Variants in PARD3 observed in about 807,000 individuals in gnomAD.
PARD3 encodes the protein partitioning defective 3 homolog.
A neutral mutation model predicts 155.4 loss-of-function variants in PARD3; 75 were observed. That is an observed-to-expected ratio of 0.48 (90% confidence interval 0.40 to 0.58). The LOEUF is 0.58. PARD3 is among the 20% of genes least tolerant of loss of function. The probability of loss-of-function intolerance (pLI) is 0.00; values close to 1 mark genes in which losing one functional copy is unlikely to be tolerated. For missense variants in PARD3, 1,642 were observed against 1,721.7 expected (o/e 0.95, Z 0.82); for synonymous variants, 576 against 610.5 (o/e 0.94, Z 0.83).
intron 1 of PARD3, among the ~76,000 whole-genome samples, chr10:34,756,671 CTCAAACTGCTAGCA>C (rs1179724124): frequency 6.6e-6 from 1 of 151,686 alleles, no homozygotes; most frequent in Admixed American, 6.6e-5. Context: ...CCAAACTGGC[CTCAAACTGCTAGCA>C]TCAAGCAATC....
intron 2 of PARD3, among the ~76,000 whole-genome samples, chr10:34,695,611 A>G (rs1488980611): frequency 6.6e-6 from 1 of 152,120 alleles, no homozygotes; most frequent in Non-Finnish European, 1.5e-5. Flanking sequence ...AGTACAGAAA[A>G]AAAGTGGGGT....
At chr10:34,128,462 C>T (rs1230853665) in intron 23 of PARD3, among the ~76,000 whole-genome samples, 1 of 152,134 alleles carries the variant, frequency 6.6e-6, no homozygotes, top group African/African-American at 2.4e-5. Context: ...ATAAAATGTA[C>T]AGAGTGTGTG....
At chr10:34,242,061 T>C (rs897442107) in intron 22 of PARD3, among the ~76,000 whole-genome samples, 3 of 152,326 alleles carry the variant, frequency 2.0e-5, no homozygotes, top group Admixed American at 2.0e-4. Context: ...CCAGCTGGCA[T>C]GGTCAAGTAT....
intron 14 of PARD3, among the ~76,000 whole-genome samples, chr10:34,352,783 G>C (rs957883297): frequency 5.9e-5 from 9 of 152,304 alleles, no homozygotes; most frequent in Non-Finnish European, 1.0e-4. Flanking sequence ...TGGGAAGTGA[G>C]GAGCCTCTCT....
In PARD3 at chr10:34,196,597, G is replaced by A. The variant is rs550362523; in HGVS notation, c.3420-65014C>T. Among the ~76,000 whole-genome samples the A allele has an allele frequency of 3.1e-3, 378 of 122,248 alleles. 3 individuals carry two copies. The highest frequency in any genetic ancestry group is 0.011 in the African/African-American group (347 of 30,388). The allele number at this position is 122,248 out of a possible 152,430, so 80.2% of individuals were successfully genotyped here. On this transcript the variant is annotated intron_variant, in intron 22 of 24. Coordinates refer to ENST00000374788, the MANE Select transcript of PARD3 (RefSeq NM_001184785.2). ...TTTTTTTTTTTTTTTTTTTTGAGAC[G>A]GAGTCTCGCTCTGTCGCCCAGGCTG...
At chr10:34,718,797 T>C (rs2094560817) in intron 1 of PARD3, among the ~76,000 whole-genome samples, 1 of 152,080 alleles carries the variant, frequency 6.6e-6, no homozygotes, top group South Asian at 2.1e-4. Flanking sequence ...ACCCTGTCTC[T>C]ACTAAAAAAT....
At chr10:34,487,415 T>C (rs1315406299) in intron 3 of PARD3, among the ~76,000 whole-genome samples, 2 of 151,672 alleles carry the variant, frequency 1.3e-5, no homozygotes. Context: ...ATTAAGAAAA[T>C]GAATGACTTC....
At chr10:34,261,825 G>GAAAGAAAGAAAGAAAGAAAC (rs1238097146) in intron 22 of PARD3, among the ~76,000 whole-genome samples, 14 of 138,994 alleles carry the variant, frequency 1.0e-4, no homozygotes, top group South Asian at 4.7e-4. Flanking sequence ...AAGAAAGAAA[G>GAAAGAAAGAAAGAAAGAAAC]AAACAAACAA....
chr10:34,576,057 A>G (rs2086862410), intron 2 of PARD3, among the ~76,000 whole-genome samples: 1 of 152,190 alleles, frequency 6.6e-6, no homozygotes, highest in Non-Finnish European at 1.5e-5. Context: ...TCTGCAGGCA[A>G]TGGTTATGTG....
At chr10:34,242,645 A>G (rs1953680947) in intron 22 of PARD3, among the ~76,000 whole-genome samples, 1 of 152,244 alleles carries the variant, frequency 6.6e-6, no homozygotes, top group African/African-American at 2.4e-5. Flanking sequence ...TGACCACTGT[A>G]AAGACCTTGT....
chr10:34,341,842 A>T, intron 15 of PARD3, 26 bp from the exon 16 acceptor site: 1 of 1,426,806 alleles, frequency 7.0e-7, no homozygotes, highest in Non-Finnish European at 9.7e-7. Flanking sequence ...AGAAGAAGAG[A>T]AAATTCTAGA....
intron 21 of PARD3, among the ~76,000 whole-genome samples, chr10:34,272,019 C>T (rs951282009): frequency 1.1e-4 from 17 of 152,258 alleles, no homozygotes; most frequent in Middle Eastern, 6.8e-3. Context: ...AAGATAGATA[C>T]GTTGAAAACT....
At chr10:34,153,765 T>TC (rs938120854) in intron 22 of PARD3, among the ~76,000 whole-genome samples, 8 of 152,306 alleles carry the variant, frequency 5.3e-5, no homozygotes, top group Admixed American at 4.6e-4. Context: ...ACCTCTTTTT[T>TC]CCCCCTTACC....
At chr10:34,807,733 T>TATAGAG (rs1843582952) in intron 1 of PARD3, among the ~76,000 whole-genome samples, 1 of 151,948 alleles carries the variant, frequency 6.6e-6, no homozygotes, top group African/African-American at 2.4e-5. Flanking sequence ...CAGAATAGAG[T>TATAGAG]ACAGAGACTA....
Position 34,262,463 on chromosome 10 carries a change from G to A in PARD3, c.3419+7194C>T, listed in dbSNP as rs552000828. Among the ~76,000 whole-genome samples the A allele has an allele frequency of 2.2e-3, 332 of 152,116 alleles. 3 individuals carry two copies. Among genetic ancestry groups the A allele is most frequent in the Non-Finnish European group, 3.5e-4 (24 of 67,988 alleles). ...TAGTGTTTTTAAGAGACAGCATCTC[G>A]CTGTGTTGTCTAGGATGGTCTTGAA... On this transcript the variant is annotated intron_variant, in intron 22 of 24. Coordinates refer to ENST00000374788, the MANE Select transcript of PARD3 (RefSeq NM_001184785.2).
chr10:34,746,618 G>T (rs1316319776), intron 1 of PARD3, among the ~76,000 whole-genome samples: 1 of 149,630 alleles, frequency 6.7e-6, no homozygotes, highest in East Asian at 1.9e-4. Flanking sequence ...ACAAGCATCT[G>T]TAATGAAAAT....
chr10:34,200,466 G>A (rs1564476568), intron 22 of PARD3, among the ~76,000 whole-genome samples: 1 of 151,732 alleles, frequency 6.6e-6, no homozygotes, highest in Non-Finnish European at 1.5e-5. Context: ...TGCAAGTCAG[G>A]AAATGAATCT....
intron 5 of PARD3, among the ~76,000 whole-genome samples, chr10:34,441,838 A>T (rs2132664225): frequency 6.6e-6 from 1 of 152,330 alleles, no homozygotes; most frequent in South Asian, 2.1e-4. Context: ...TTCTATTATC[A>T]AAGCACAACA....
At chr10:34,248,896 GTAAGCA>G (rs1954124162) in intron 22 of PARD3, among the ~76,000 whole-genome samples, 1 of 152,144 alleles carries the variant, frequency 6.6e-6, no homozygotes, top group Non-Finnish European at 1.5e-5. Context: ...TATTCCAAAG[GTAAGCA>G]AAATGTGAAG....
Sources: allele counts gnomAD v4.1 joint callset (sites outside exome capture counted in the v4.1 genomes callset), GRCh38; gene constraint gnomAD v4.1.1; transcripts MANE v1.5; gene names NCBI Gene and HGNC (gene_info 2026-07-23, HGNC 2026-07-21).